The following DHX29 variants were observed in gnomAD, a reference collection of about 807,000 sequenced individuals.
DHX29 encodes DExH-box helicase 29.
A neutral mutation model predicts 167.9 loss-of-function variants in DHX29; 79 were observed. That is an observed-to-expected ratio of 0.47 (90% CI 0.39 to 0.57). The LOEUF (loss-of-function observed/expected upper bound fraction) is 0.57, where lower values mean the gene tolerates loss of function less well. Among genes scored for constraint, DHX29 ranks in the 20% least tolerant of loss-of-function variants. The pLI is 0.00. For synonymous variants in DHX29, 530 were observed against 546.0 expected, an observed-to-expected ratio of 0.97 and a Z score of 0.41; for missense variants, 1,347 against 1,593.4, an observed-to-expected ratio of 0.85 and a Z score of 2.63.
intron 23 of DHX29, among the ~76,000 whole-genome samples, chr5:55,266,217 T>C (rs900845395): frequency 2.0e-5 from 3 of 151,886 alleles, no homozygotes; most frequent in African/African-American, 7.3e-5. Context: ...CAGGCTGGTC[T>C]TGAACTCCTG....
At position 55,283,535 on chromosome 5, in the gene DHX29, C is replaced by T. The variant is rs1235181594; in HGVS notation, c.1633G>A (p.Asp545Asn). Reference protein sequence around the residue: ...ALSLESANVEDLEPVRNLFRK... With the variant: ...ALSLESANVENLEPVRNLFRK... ...AAGAGGTTTCTAACAGGTTCCAAAT[C>T]TTCCACATTTGCTGATTCCAAGGAC... Residue 545 changes from aspartate to asparagine, a missense_variant, in exon 11 of 27, where the codon GAT becomes AAT. Asp to Asn is a conservative substitution (Grantham distance 23). Transcript: ENST00000251636. The T allele has an allele frequency of 6.2e-6, 10 of 1,614,214 alleles. No homozygotes were observed. Among genetic ancestry groups the T allele is most frequent in the African/African-American group, 1.3e-5 (1 of 75,064 alleles).
At chr5:55,257,302 G>T (rs1561130018) in intron 26 of DHX29, among the ~76,000 whole-genome samples, 1 of 152,204 alleles carries the variant, frequency 6.6e-6, no homozygotes, top group Non-Finnish European at 1.5e-5. Context: ...AGAGAATGCT[G>T]TCGCTTTCAA....
In DHX29 at chr5:55,278,356, C is replaced by T. The variant is rs150625456; in HGVS notation, c.2110-1074G>A. Among the ~76,000 whole-genome samples, 359 of 152,326 alleles carry T rather than the reference C, an allele frequency of 2.4e-3. 4 individuals are homozygous for T. The Middle Eastern group carries it at 0.038, about 16-fold the overall frequency. On this transcript the variant is annotated intron_variant, in intron 12 of 26. Transcript: ENST00000251636. ...AGTGTTCAGACTCTGAAATCAATTG[C>T]TAGGGTCCAATTCTTGGCCACTTAC... is the stretch of plus-strand genomic sequence containing the variant.
At chr5:55,283,182 T>C (rs1231386831) in intron 11 of DHX29, 21 bp downstream of exon 11, 2 of 1,555,548 alleles carry the variant, frequency 1.3e-6, no homozygotes, top group Admixed American at 1.9e-5. Context: ...TTCACTGAGG[T>C]GGAGTTGAAT....
chr5:55,275,735 ATG>A, intron 14 of DHX29, among the ~76,000 whole-genome samples: 1 of 147,768 alleles, frequency 6.8e-6, no homozygotes, highest in Non-Finnish European at 1.5e-5. Context: ...CTATGTATGT[ATG>A]TATGTATGTA....
chr5:55,294,128 T>G lies in DHX29; in HGVS notation c.669A>C (p.Lys223Asn). The change falls in exon 6 of 27, where the codon AAA becomes AAC. Residue 223 changes from lysine to asparagine, a missense_variant. Lys to Asn is a moderately conservative substitution (Grantham distance 94). This residue lies in a region of DHX29 where 405 missense variants were observed against 416.8 expected (regional missense o/e 0.97). Coordinates refer to ENST00000251636, the MANE Select transcript of DHX29 (RefSeq NM_019030.4). ...DPKSKPKKEE[K>N]NMEVNMKEWI... Reference sequence around the variant, plus strand: ...ACTCTTTCATATTTACTTCCATATTTTTTTCTTCCTTTTTTGGCTAGAAAG... The same window carrying G: ...ACTCTTTCATATTTACTTCCATATTGTTTTCTTCCTTTTTTGGCTAGAAAG... 1 of 1,590,408 alleles carries G rather than the reference T, an allele frequency of 6.3e-7. No homozygotes were observed. Among genetic ancestry groups the G allele is most frequent in the Non-Finnish European group, 8.5e-7 (1 of 1,172,518 alleles).
intron 11 of DHX29, among the ~76,000 whole-genome samples, chr5:55,282,722 GAT>G (rs1389251261): frequency 6.6e-6 from 1 of 152,032 alleles, no homozygotes; most frequent in Non-Finnish European, 1.5e-5. Flanking sequence ...CATGACAATA[GAT>G]ATTTAAGTAT....
At chr5:55,275,731 A>ATGTATGTATGTATG (rs1747074724) in intron 14 of DHX29, among the ~76,000 whole-genome samples, 1 of 146,532 alleles carries the variant, frequency 6.8e-6, no homozygotes, top group Non-Finnish European at 1.5e-5. Context: ...TTCACTATGT[A>ATGTATGTATGTATG]TGTATGTATG....
intron 10 of DHX29, among the ~76,000 whole-genome samples, chr5:55,284,984 C>T (rs530366786): frequency 6.6e-6 from 1 of 152,296 alleles, no homozygotes; most frequent in South Asian, 2.1e-4. Context: ...TCTGCCACCA[C>T]ACTCCAGCCT....
At chr5:55,306,716 G>C (rs1455510937) in intron 1 of DHX29, among the ~76,000 whole-genome samples, 3 of 152,096 alleles carry the variant, frequency 2.0e-5, no homozygotes, top group Admixed American at 6.5e-5. Context: ...CAAACAACCC[G>C]AGAAGAACAC....
In DHX29 at chr5:55,294,125, A is replaced by AT; in HGVS notation, c.671dup (p.Asn224LysfsTer15). 6.3e-7 allele frequency: 1 copy of AT among 1,592,866 alleles called. No homozygotes were observed. Among genetic ancestry groups the AT allele is most frequent in the Admixed American group, 1.8e-5 (1 of 56,700 alleles). On this transcript the variant is annotated frameshift_variant, in exon 6 of 27. Coordinates refer to ENST00000251636, the MANE Select transcript of DHX29 (RefSeq NM_019030.4). LOFTEE classifies it high-confidence loss of function. ...TCCACTCTTTCATATTTACTTCCAT[A>AT]TTTTTTTCTTCCTTTTTTGGCTAGA...
intron 6 of DHX29, among the ~76,000 whole-genome samples, chr5:55,293,573 T>G (rs1748157005): frequency 6.6e-6 from 1 of 152,218 alleles, no homozygotes; most frequent in South Asian, 2.1e-4. Context: ...AGGTTCTTTA[T>G]ATAATTATGT....
Position 55,256,440 on chromosome 5 carries a change from C to A in DHX29, c.*48G>T. ...GACCCATTTTCAGATAATTTCATGACTGTATCTTCATCTTAATTTTTAAAG... is the reference window on the plus strand; with the variant it reads ...GACCCATTTTCAGATAATTTCATGAATGTATCTTCATCTTAATTTTTAAAG... On this transcript the variant is annotated 3_prime_UTR_variant, in exon 27 of 27. Transcript: ENST00000251636. 1 of 1,501,538 alleles carries A rather than the reference C, an allele frequency of 6.7e-7. No individual in the cohort carries two copies. Among genetic ancestry groups the A allele is most frequent in the Non-Finnish European group, 9.0e-7 (1 of 1,108,922 alleles). The allele number at this position is 1,501,538 out of a possible 1,614,324, so 93.0% of individuals were successfully genotyped here. A position where few individuals can be genotyped will look rare whatever the true frequency, so the allele number is the denominator to read the frequency against.
chr5:55,273,185 C>CTATA lies in DHX29; in HGVS notation c.2775+104_2775+107dup, dbSNP rs1746936972. 6 of 1,208,030 alleles carry CTATA rather than the reference C, an allele frequency of 5.0e-6. No individual in the cohort carries two copies. In the South Asian group the frequency reaches 1.5e-4, roughly 30 times the overall value. The allele number at this position is 1,208,030 out of a possible 1,614,324, so 74.8% of individuals were successfully genotyped here. On this transcript the variant is annotated intron_variant, in intron 17 of 26. Transcript: ENST00000251636. ...CAGAACACTTGGAGTTGGCAATGCGCTATAAGGCACTTAATGTTAACAACT... is the reference window on the plus strand; with the variant it reads ...CAGAACACTTGGAGTTGGCAATGCGCTATATATAAGGCACTTAATGTTAACAACT...
intron 2 of DHX29, 44 bp downstream of exon 2, chr5:55,298,546 AG>A (rs763270030): frequency 8.5e-7 from 1 of 1,174,014 alleles, no homozygotes; most frequent in East Asian, 2.4e-5. Flanking sequence ...GGGGGAAAAA[AG>A]GGGGAAACAT....
At position 55,270,449 on chromosome 5, in the gene DHX29, A is replaced by G; in HGVS notation, c.3032T>C (p.Leu1011Ser). 1.2e-6 allele frequency: 2 copies of G among 1,612,760 alleles called. No homozygotes were observed. Among genetic ancestry groups the G allele is most frequent in the Non-Finnish European group, 1.7e-6 (2 of 1,179,604 alleles). Reference protein sequence around the residue: ...GFMDYSVPEILRVPLEELCLH... With the variant: ...GFMDYSVPEISRVPLEELCLH... ...GCATAATTCCTCCAAAGGTACACGT[A>G]AGATTTCAGGAACAGAATAATCCAT... is the stretch of plus-strand genomic sequence containing the variant. Residue 1011 changes from leucine (L) to serine (S), a missense_variant, in exon 20 of 27, where the codon TTA becomes TCA. Physicochemically the swap from Leu to Ser is moderately radical, Grantham distance 145 (BLOSUM62 -2). This residue lies in a region of DHX29 where 882 missense variants were observed against 1,082.4 expected (regional missense o/e 0.81). Transcript: ENST00000251636.
At chr5:55,263,619 AG>A (rs942864990) in intron 23 of DHX29, among the ~76,000 whole-genome samples, 44 of 151,914 alleles carry the variant, frequency 2.9e-4, no homozygotes, top group African/African-American at 1.0e-3. Flanking sequence ...ATAACACCAC[AG>A]GGTTGGTGAA....
rs376939523 is a variant in DHX29, at chr5:55,258,849, G to C, written c.4057+999C>G. 1.1e-4 allele frequency among the ~76,000 whole-genome samples: 16 copies of C among 152,126 alleles called. No individual in the cohort carries two copies. In the East Asian group the frequency reaches 1.4e-3, roughly 13 times the overall value. Reference sequence around the variant, plus strand: ...ATTACAGGCAGGTGTCACCATGCCCGGCTCATTTCAGATTTCTGTTGAAGG... The same window carrying C: ...ATTACAGGCAGGTGTCACCATGCCCCGCTCATTTCAGATTTCTGTTGAAGG... On this transcript the variant is annotated intron_variant, in intron 26 of 26. Coordinates refer to ENST00000251636, the MANE Select transcript of DHX29 (RefSeq NM_019030.4).
intron 23 of DHX29, among the ~76,000 whole-genome samples, chr5:55,264,993 T>G (rs1443556841): frequency 6.6e-6 from 1 of 151,608 alleles, no homozygotes; most frequent in African/African-American, 2.4e-5. Context: ...AAGCATTGCA[T>G]GAAAAGCCAG....
Sources: allele counts gnomAD v4.1 joint callset (sites outside exome capture counted in the v4.1 genomes callset), GRCh38; gene constraint gnomAD v4.1.1; regional missense constraint gnomAD v4.1.1; transcripts MANE v1.5; gene names NCBI Gene and HGNC (gene_info 2026-07-23, HGNC 2026-07-21).